Variants in NRXN2 observed in about 807,000 individuals in gnomAD.
NRXN2 encodes the protein neurexin 2, also known as neurexin-2-beta.
Under a neutral mutation model 128.8 loss-of-function variants are expected in NRXN2, and 29 were observed. The observed-to-expected ratio is 0.23, with a 90% CI of 0.17 to 0.31. The LOEUF is 0.31. NRXN2 is among the 10% of genes least tolerant of loss of function. The probability of loss-of-function intolerance (pLI) is 1.00; values close to 1 mark genes in which losing one functional copy is unlikely to be tolerated. For missense variants in NRXN2, 1,881 were observed against 2,452.6 expected (o/e 0.77, Z 4.92); for synonymous variants, 1,098 against 1,075.2 (o/e 1.02, Z -0.41).
At chr11:64,625,337 C>T (rs939743913) in intron 20 of NRXN2, among the ~76,000 whole-genome samples, 2 of 152,206 alleles carry the variant, frequency 1.3e-5, no homozygotes, top group Non-Finnish European at 2.9e-5. Context: ...GGCCCCTGGC[C>T]CCATCCGCCA....
rs940329009 is a variant in NRXN2 at position 64,630,659 on chromosome 11, C to T, written c.3586-86G>A. 1.0e-5 allele frequency: 15 copies of T among 1,465,792 alleles called. No individual in the cohort carries two copies. The Admixed American group carries it at 1.8e-4, about 17-fold the overall frequency. 90.8% of individuals were successfully genotyped at this position (1,465,792 alleles called of 1,614,324 possible). A position where few individuals can be genotyped will look rare whatever the true frequency, so the allele number is the denominator to read the frequency against. Reference sequence around the variant, plus strand: ...GCTACTCCTGTGACCACCACTAGCCCAGCTCCGCAGCACTTAAGGCACCTT... The same window carrying T: ...GCTACTCCTGTGACCACCACTAGCCTAGCTCCGCAGCACTTAAGGCACCTT... On this transcript the variant is annotated intron_variant, in intron 18 of 22. Transcript: ENST00000265459. The surrounding 1 kb of genome is among the most constrained non-coding windows in gnomAD (Gnocchi z 4.6).
intron 21 of NRXN2, among the ~76,000 whole-genome samples, chr11:64,621,884 C>T (rs554530131): frequency 1.1e-4 from 16 of 152,276 alleles, no homozygotes; most frequent in African/African-American, 3.8e-4. Flanking sequence ...TCCAGCAGAG[C>T]CCCATTCCCC....
intron 5 of NRXN2, among the ~76,000 whole-genome samples, chr11:64,686,421 G>A (rs533659253): frequency 5.3e-5 from 8 of 152,262 alleles, no homozygotes; most frequent in Admixed American, 2.6e-4. Flanking sequence ...CTCCTCCAGC[G>A]ATGGCCAATC....
At position 64,652,210 on chromosome 11, in the gene NRXN2, C is replaced by T. The variant is rs1000543119; in HGVS notation, c.2417-56G>A. 4 of 1,563,384 alleles carry T rather than the reference C, an allele frequency of 2.6e-6. No individual in the cohort carries two copies. The African/African-American group carries it at 5.4e-5, about 21-fold the overall frequency. On this transcript the variant is annotated intron_variant, in intron 12 of 22. Coordinates refer to ENST00000265459, the MANE Select transcript of NRXN2 (RefSeq NM_015080.4). Reference sequence around the variant, plus strand: ...ACCTATACATGCTCATAGGTGACTTCCTATATCACCTTGGATACACAGACA... The same window carrying T: ...ACCTATACATGCTCATAGGTGACTTTCTATATCACCTTGGATACACAGACA...
At chr11:64,700,789 C>T (rs80034782) in intron 2 of NRXN2, among the ~76,000 whole-genome samples, 1,829 of 152,270 alleles carry the variant, frequency 0.012, 29 homozygotes, top group Admixed American at 0.014. Context: ...CTCTCCTGTG[C>T]TCTTGACCTA....
chr11:64,687,826 C>G (rs545699606), intron 5 of NRXN2, among the ~76,000 whole-genome samples: 6 of 152,242 alleles, frequency 3.9e-5, no homozygotes, highest in African/African-American at 7.2e-5. Flanking sequence ...GGAAGAGAGC[C>G]AGCAACGAAA....
At chr11:64,640,969 A>C (rs1483304538) in intron 17 of NRXN2, among the ~76,000 whole-genome samples, 1 of 152,056 alleles carries the variant, frequency 6.6e-6, no homozygotes, top group Admixed American at 6.5e-5. Context: ...AATGGAGTAA[A>C]GAATAAGAGG....
rs2057108121 is a variant in NRXN2, at chr11:64,713,132, C to T, written c.568G>A (p.Ala190Thr). 5 of 1,433,064 alleles carry T rather than the reference C, an allele frequency of 3.5e-6. No homozygotes were observed. The East Asian group carries it at 1.2e-4, about 36-fold the overall frequency. The allele number at this position is 1,433,064 out of a possible 1,614,324, so 88.8% of individuals were successfully genotyped here. The change falls in exon 2 of 23, where the codon GCG (alanine) becomes ACG (threonine). Residue 190 changes from alanine (A) to threonine (T), a missense_variant. This residue lies in a region of NRXN2 where 997 missense variants were observed against 1,240.8 expected (regional missense o/e 0.80). Transcript: ENST00000265459. ...ANLKLGERPP[A>T]LLGSQGLRGA... ...CGCAGGCCCTGGCTGCCCAGCAGCG[C>T]GGGGGGCCGCTCGCCCAGCTTCAGG...
At position 64,667,705 on chromosome 11, in the gene NRXN2, G is replaced by T; in HGVS notation, c.1360-17C>A. On this transcript the variant is annotated splice_polypyrimidine_tract_variant and intron_variant, in intron 8 of 22. Coordinates refer to ENST00000265459, the MANE Select transcript of NRXN2 (RefSeq NM_015080.4). The surrounding 1 kb of genome is among the most constrained non-coding windows in gnomAD (Gnocchi z 5.6). ...ATAGACCACCTGCAGGGAGGGGTGG[G>T]GTCAGGGATAAAGAATCCGAAAGCA... 6.2e-7 allele frequency: 1 copy of T among 1,613,168 alleles called. No individual in the cohort carries two copies. The highest frequency in any genetic ancestry group is 8.5e-7 in the Non-Finnish European group (1 of 1,179,708).
chr11:64,650,060 GC>G (rs2047249392), intron 15 of NRXN2, among the ~76,000 whole-genome samples: 1 of 152,050 alleles, frequency 6.6e-6, no homozygotes, highest in Non-Finnish European at 1.5e-5. Flanking sequence ...TACGTCCTCT[GC>G]CCCATAGCGT....
intron 22 of NRXN2, 137 bp from the exon 23 acceptor site, chr11:64,608,219 G>GGGCC: frequency 1.4e-6 from 1 of 706,652 alleles, no homozygotes; most frequent in South Asian, 1.8e-5. Context: ...AGAGCGGGCT[G>GGGCC]GGCCCGCCCG....
chr11:64,623,291 C>T lies in NRXN2; in HGVS notation c.3848-213G>A, dbSNP rs1591557566. Reference sequence around the variant, plus strand: ...CCCCTAGCCCAGCCAGGTGGGGACCCCAGAAGGGGAGGGCACCCAGGGTAC... The same window carrying T: ...CCCCTAGCCCAGCCAGGTGGGGACCTCAGAAGGGGAGGGCACCCAGGGTAC... On this transcript the variant is annotated intron_variant, in intron 20 of 22. Transcript: ENST00000265459. This position sits in a 1 kb window ranked among gnomAD's most constrained non-coding sequence, Gnocchi z 4.9. 7.1e-6 allele frequency: 6 copies of T among 840,308 alleles called. No individual in the cohort carries two copies. The East Asian group carries it at 1.6e-4, about 23-fold the overall frequency. 52.1% of individuals were successfully genotyped at this position (840,308 alleles called of 1,614,324 possible). A position where few individuals can be genotyped will look rare whatever the true frequency, so the allele number is the denominator to read the frequency against.
chr11:64,693,421 G>GGA (rs1035001480), intron 3 of NRXN2, among the ~76,000 whole-genome samples: 3 of 151,604 alleles, frequency 2.0e-5, no homozygotes, highest in African/African-American at 7.3e-5. Context: ...AAAGCCACCT[G>GGA]GAGAGAGAGA....
At position 64,651,996 on chromosome 11, in the gene NRXN2, C is replaced by T. The variant is rs2047521904; in HGVS notation, c.2536+39G>A. On this transcript the variant is annotated intron_variant, in intron 13 of 22. Coordinates refer to ENST00000265459, the MANE Select transcript of NRXN2 (RefSeq NM_015080.4). The surrounding 1 kb of genome is among the most constrained non-coding windows in gnomAD (Gnocchi z 5.9). Reference sequence around the variant, plus strand: ...GTAGAACAGGGCCAAGCATAGGTCACTGGAGATGTGTCCACCTCCCTGGGC... The same window carrying T: ...GTAGAACAGGGCCAAGCATAGGTCATTGGAGATGTGTCCACCTCCCTGGGC... 6 of 1,605,854 alleles carry T rather than the reference C, an allele frequency of 3.7e-6. No homozygotes were observed. Among genetic ancestry groups the T allele is most frequent in the South Asian group, 3.3e-5 (3 of 91,078 alleles).
chr11:64,642,831 C>A (rs1005131924), intron 17 of NRXN2: 37 of 1,096,528 alleles, frequency 3.4e-5, no homozygotes, highest in Admixed American at 5.1e-5. Flanking sequence ...CGCCTCACAG[C>A]CCCATGGCCG....
chr11:64,717,367 C>A (rs1428764362), intron 1 of NRXN2, among the ~76,000 whole-genome samples: 1 of 152,230 alleles, frequency 6.6e-6, no homozygotes, highest in Non-Finnish European at 1.5e-5. Context: ...GCCGCCACAC[C>A]TCTGGGGAGC....
At chr11:64,688,373 G>A in intron 5 of NRXN2, 1 of 985,430 alleles carries the variant, frequency 1.0e-6, no homozygotes, top group Non-Finnish European at 1.2e-6. Context: ...CGAGAAGAGG[G>A]ACAGAAAAAG....
chr11:64,641,689 A>G (rs1241401927), intron 17 of NRXN2, among the ~76,000 whole-genome samples: 1 of 151,950 alleles, frequency 6.6e-6, no homozygotes, highest in African/African-American at 2.4e-5. Context: ...CTGAGAAGGA[A>G]GGTTAAGTTT....
intron 6 of NRXN2, 36 bp from the exon 7 acceptor site, chr11:64,677,073 G>T: frequency 5.7e-6 from 7 of 1,236,510 alleles, no homozygotes; most frequent in Non-Finnish European, 7.6e-6. Flanking sequence ...GGAGGAGGGG[G>T]GTGTCAAAAA....
Sources: gnomAD v4.1 joint callset for allele counts (sites outside exome capture counted in the v4.1 genomes callset) on GRCh38, gnomAD v4.1.1 for gene constraint, gnomAD v4.1.1 regional missense constraint, Gnocchi (gnomAD v3.1) non-coding constraint, MANE v1.5 for transcripts, NCBI Gene and HGNC (gene_info 2026-07-23, HGNC 2026-07-21) for gene names.